Variants in PHACTR2 observed in about 807,000 individuals in gnomAD.
The protein encoded by PHACTR2 is chromosome 6 open reading frame 56.
A neutral mutation model predicts 76.0 loss-of-function variants in PHACTR2; 30 were observed. The observed-to-expected ratio is 0.39, with a 90% CI of 0.30 to 0.54. PHACTR2 has a LOEUF of 0.54. Ranked by LOEUF, PHACTR2 falls within the 20% of genes least tolerant of loss-of-function variation. The probability of loss-of-function intolerance (pLI) is 0.61; values close to 1 mark genes in which losing one functional copy is unlikely to be tolerated. For synonymous variants in PHACTR2, 292 were observed against 292.5 expected, an observed-to-expected ratio of 1.00 and a Z score of 0.02; for missense variants, 696 against 781.1, an observed-to-expected ratio of 0.89 and a Z score of 1.30.
At position 143,730,849 on chromosome 6, in the gene PHACTR2, G is replaced by A. The variant is rs182244840; in HGVS notation, c.215-18136G>A. On this transcript the variant is annotated intron_variant, in intron 2 of 12. Transcript: ENST00000440869. The surrounding 1 kb of genome is among the most constrained non-coding windows in gnomAD (Gnocchi z 4.8). ...TGTAACCTCCGCCTCTTGGGTTCAA[G>A]CGATTCTCCTGCTTCAGCCTCCTGA... Among the ~76,000 whole-genome samples the A allele has an allele frequency of 6.6e-6, 1 of 152,298 alleles. No homozygotes were observed. The highest frequency in any genetic ancestry group is 1.5e-5 in the Non-Finnish European group (1 of 68,032).
intron 1 of PHACTR2, among the ~76,000 whole-genome samples, chr6:143,687,050 G>T (rs1032239383): frequency 1.3e-5 from 2 of 151,992 alleles, no homozygotes; most frequent in African/African-American, 4.8e-5. Flanking sequence ...TTCTTTTTAG[G>T]TTTAATTGTT....
intron 2 of PHACTR2, among the ~76,000 whole-genome samples, chr6:143,714,220 C>T (rs1015340): frequency 0.49 from 74,141 of 152,034 alleles, 18,333 homozygotes; most frequent in Middle Eastern, 0.57. Context: ...AGACCCACAA[C>T]ATCTTGAGGT....
chr6:143,777,881 G>A lies in PHACTR2; in HGVS notation c.1645+498G>A, dbSNP rs1775320780. 1.3e-5 allele frequency among the ~76,000 whole-genome samples: 2 copies of A among 152,136 alleles called. No homozygotes were observed. Among genetic ancestry groups the A allele is most frequent in the Non-Finnish European group, 2.9e-5 (2 of 68,016 alleles). ...TATGATAACTCGGCTTCCTTCTTGA[G>A]TTGTTTATAATTTCTCAGCACTAAA... On this transcript the variant is annotated intron_variant, in intron 9 of 12. Transcript: ENST00000440869. The surrounding 1 kb of genome is among the most constrained non-coding windows in gnomAD (Gnocchi z 4.6).
intron 1 of PHACTR2, among the ~76,000 whole-genome samples, chr6:143,645,461 G>A (rs1776644060): frequency 6.6e-6 from 1 of 152,090 alleles, no homozygotes; most frequent in African/African-American, 2.4e-5. Context: ...TTTATAACAG[G>A]AGATATAGCT....
At chr6:143,670,197 T>C (rs762091076) in intron 1 of PHACTR2, among the ~76,000 whole-genome samples, 32 of 152,244 alleles carry the variant, frequency 2.1e-4, no homozygotes, top group Non-Finnish European at 4.0e-4. Context: ...TTGTAGGGTT[T>C]ATGCAGAGAG....
Position 143,560,448 on chromosome 6 carries a change from T to C in PHACTR2, c.217+23241T>C, listed in dbSNP as rs555369400. ...ATGACAAGAAACCCAGCCTAGTTTGTGGCAACTGTCTTGAGCTCTTCCACT... is the reference window on the plus strand; with the variant it reads ...ATGACAAGAAACCCAGCCTAGTTTGCGGCAACTGTCTTGAGCTCTTCCACT... On this transcript the variant is annotated intron_variant, in intron 1 of 11. Coordinates refer to the PHACTR2 transcript ENST00000367584. Among the ~76,000 whole-genome samples, 46 of 152,346 alleles carry C rather than the reference T, an allele frequency of 3.0e-4. No individual in the cohort carries two copies. The South Asian group carries it at 3.9e-3, about 13-fold the overall frequency.
chr6:143,542,580 T>C (rs1170106911), intron 1 of PHACTR2, among the ~76,000 whole-genome samples: 1 of 152,194 alleles, frequency 6.6e-6, no homozygotes, highest in Non-Finnish European at 1.5e-5. Context: ...ACCAGCTTTC[T>C]TATTCTCTAA....
rs1031475452 is a variant in PHACTR2, at chr6:143,806,324, T to G, written c.1846-733T>G. ...GTAGCTTTAAGGATTATGCTGAAAT[T>G]ATAAGTTCTATTTCTATAAACTTCC... On this transcript the variant is annotated intron_variant, in intron 11 of 12. Coordinates refer to ENST00000440869, the MANE Select transcript of PHACTR2 (RefSeq NM_001100164.2). The surrounding 1 kb of genome is among the most constrained non-coding windows in gnomAD (Gnocchi z 5.8). Among the ~76,000 whole-genome samples, 1 of 152,266 alleles carries G rather than the reference T, an allele frequency of 6.6e-6. No homozygotes were observed. Among genetic ancestry groups the G allele is most frequent in the African/African-American group, 2.4e-5 (1 of 41,472 alleles).
chr6:143,712,017 T>A lies in PHACTR2; in HGVS notation c.48T>A (p.Val16=), dbSNP rs1341324107. 6.3e-7 allele frequency: 1 copy of A among 1,596,592 alleles called. No individual in the cohort carries two copies. Among genetic ancestry groups the A allele is most frequent in the East Asian group, 2.2e-5 (1 of 44,554 alleles). Residue 16 remains valine (V), a splice_region_variant and synonymous_variant, in exon 2 of 13, where the codon GTT becomes GTA. Coordinates refer to ENST00000440869, the MANE Select transcript of PHACTR2 (RefSeq NM_001100164.2). Reference sequence around the variant, plus strand: ...CTGTCTATATCTTTCTTTATACAGTTGACGGACTGGACAAAGCTTCTATAG... The same window carrying A: ...CTGTCTATATCTTTCTTTATACAGTAGACGGACTGGACAAAGCTTCTATAG... The part of the protein sequence containing the change: ...VSTLSPQPGS[V]DGLDKASIAN...
intron 2 of PHACTR2, among the ~76,000 whole-genome samples, chr6:143,729,867 A>G (rs890009732): frequency 3.1e-4 from 47 of 151,658 alleles, no homozygotes; most frequent in African/African-American, 1.1e-3. Flanking sequence ...ATGAAATACC[A>G]TTTTTTTTCT....
In PHACTR2 at chr6:143,777,689, A is replaced by G. The variant is rs1380355463; in HGVS notation, c.1645+306A>G. ...TTTCACCCAAATATTAAATAGAAAA[A>G]GAATGCTCTAGTCTTCTCGCAAATA... On this transcript the variant is annotated intron_variant, in intron 9 of 12. Transcript: ENST00000440869. The surrounding 1 kb of genome is among the most constrained non-coding windows in gnomAD (Gnocchi z 4.6). 2.6e-5 allele frequency among the ~76,000 whole-genome samples: 4 copies of G among 152,220 alleles called. No individual in the cohort carries two copies. The highest frequency in any genetic ancestry group is 4.4e-5 in the Non-Finnish European group (3 of 68,038).
At chr6:143,728,200 C>CTTTTTTTTTTCTTT (rs1778618287) in intron 2 of PHACTR2, among the ~76,000 whole-genome samples, 1 of 131,380 alleles carries the variant, frequency 7.6e-6, no homozygotes, top group Non-Finnish European at 1.6e-5. Flanking sequence ...TCTTTCTTTC[C>CTTTTTTTTTTCTTT]TTTTTTTTTT....
intron 1 of PHACTR2, among the ~76,000 whole-genome samples, chr6:143,564,271 G>A (rs1775330766): frequency 7.2e-6 from 1 of 139,396 alleles, no homozygotes; most frequent in African/African-American, 2.6e-5. Context: ...GCAACAGAGT[G>A]AGAACCTGTC....
rs1582767554 is a variant in PHACTR2 at position 143,683,294 on chromosome 6, T to A, written c.46+5085T>A. ...TGAATGAGTCAACAAATAGTCTCAA[T>A]AAGCAGCCTGACTGCTTTAAACCAA... is the stretch of plus-strand genomic sequence containing the variant. On this transcript the variant is annotated intron_variant, in intron 1 of 12. Coordinates refer to ENST00000440869, the MANE Select transcript of PHACTR2 (RefSeq NM_001100164.2). This position sits in a 1 kb window ranked among gnomAD's most constrained non-coding sequence, Gnocchi z 4.1. Among the ~76,000 whole-genome samples the A allele has an allele frequency of 6.6e-6, 1 of 152,242 alleles. No individual in the cohort carries two copies. The highest frequency in any genetic ancestry group is 1.9e-4 in the East Asian group (1 of 5,200).
intron 2 of PHACTR2, among the ~76,000 whole-genome samples, chr6:143,745,102 C>G (rs990668305): frequency 2.6e-5 from 4 of 152,144 alleles, no homozygotes; most frequent in African/African-American, 9.7e-5. Context: ...TAGCGTCTTC[C>G]CTGGCAGTAT....
chr6:143,642,290 C>G (rs531804956), intron 1 of PHACTR2, among the ~76,000 whole-genome samples: 17 of 152,316 alleles, frequency 1.1e-4, no homozygotes, highest in Non-Finnish European at 2.4e-4. Context: ...TATTTATTGT[C>G]TGCATCGCAA....
At chr6:143,559,649 A>ATAC (rs963543919) in intron 1 of PHACTR2, among the ~76,000 whole-genome samples, 27 of 143,056 alleles carry the variant, frequency 1.9e-4, no homozygotes, top group Non-Finnish European at 1.8e-4. Flanking sequence ...TTATTTTCTA[A>ATAC]TACTAGAAAT....
At position 143,827,155 on chromosome 6, in the gene PHACTR2, A is replaced by AAAATATATATAT. The variant is rs1254251707; in HGVS notation, c.*3467_*3468insAATATATATATA. 1.3e-5 allele frequency: 1 copy of AAAATATATATAT among 77,232 alleles called. No homozygotes were observed. The highest frequency in any genetic ancestry group is 2.4e-5 in the Non-Finnish European group (1 of 41,048). The allele number at this position is 77,232 out of a possible 1,614,324, so 4.8% of individuals were successfully genotyped here. ...GGGCTGCGTTGGCATTAAAAAAGAAAATATATATATATATATATATATATA... is the reference window on the plus strand; with the variant it reads ...GGGCTGCGTTGGCATTAAAAAAGAAAAAATATATATATATATATATATATATATATATATATA... On this transcript the variant is annotated 3_prime_UTR_variant, in exon 13 of 13. Transcript: ENST00000440869.
rs1288961452 is a variant in PHACTR2 at position 143,624,258 on chromosome 6, C to T, written c.13+15936C>T. On this transcript the variant is annotated intron_variant, in intron 1 of 11. Transcript: ENST00000305766. The surrounding 1 kb of genome is among the most constrained non-coding windows in gnomAD (Gnocchi z 4.6). ...AGTAGCTGGGATTACAGGTGCCTGCCACCACACCTGACTAATTTTTGTATT... is the reference window on the plus strand; with the variant it reads ...AGTAGCTGGGATTACAGGTGCCTGCTACCACACCTGACTAATTTTTGTATT... 6.6e-6 allele frequency among the ~76,000 whole-genome samples: 1 copy of T among 152,100 alleles called. No homozygotes were observed. Among genetic ancestry groups the T allele is most frequent in the Non-Finnish European group, 1.5e-5 (1 of 68,016 alleles).
Sources: allele counts gnomAD v4.1 joint callset (sites outside exome capture counted in the v4.1 genomes callset), GRCh38; gene constraint gnomAD v4.1.1; non-coding constraint Gnocchi (gnomAD v3.1); transcripts MANE v1.5; gene names NCBI Gene and HGNC (gene_info 2026-07-23, HGNC 2026-07-21).